Variants in MGAT5 observed in about 807,000 individuals in gnomAD.
MGAT5 encodes alpha-1,6-mannosylglycoprotein 6-beta-N-acetylglucosaminyltransferase.
MGAT5 carries 30 observed loss-of-function variants against 94.3 expected under a neutral mutation model. The ratio of observed to expected loss-of-function variants is 0.32; its 90% CI spans 0.24 to 0.43. The LOEUF (loss-of-function observed/expected upper bound fraction) is 0.43. MGAT5 is among the 20% of genes least tolerant of loss of function. MGAT5 has a pLI of 1.00. For synonymous variants in MGAT5, 310 were observed against 322.9 expected, an observed-to-expected ratio of 0.96 and a Z score of 0.43; for missense variants, 691 against 905.5, an observed-to-expected ratio of 0.76 and a Z score of 3.04.
chr2:134,130,267 G>A (rs1317525835), intron 1 of MGAT5, among the ~76,000 whole-genome samples: 5 of 82,444 alleles, frequency 6.1e-5, no homozygotes, highest in African/African-American at 1.5e-4. Context: ...GCCCCACACC[G>A]CCCCACACCC....
intron 14 of MGAT5, among the ~76,000 whole-genome samples, chr2:134,428,682 GA>G (rs1684722522): frequency 6.6e-6 from 1 of 152,186 alleles, no homozygotes; most frequent in African/African-American, 2.4e-5. Context: ...AGAGAGATGG[GA>G]TGATTACTGT....
intron 6 of MGAT5, among the ~76,000 whole-genome samples, chr2:134,338,934 G>A (rs1357961027): frequency 6.6e-6 from 1 of 151,978 alleles, no homozygotes; most frequent in Non-Finnish European, 1.5e-5. Flanking sequence ...AAAACCTCTC[G>A]AATACCCCTG....
intron 2 of MGAT5, among the ~76,000 whole-genome samples, chr2:134,316,301 T>C (rs1163536987): frequency 6.6e-6 from 1 of 152,202 alleles, no homozygotes; most frequent in Admixed American, 6.5e-5. Flanking sequence ...CTGTCTGTCC[T>C]GAGTACCTCA....
Position 134,398,545 on chromosome 2 carries a change from A to T in MGAT5, c.1381-4443A>T, listed in dbSNP as rs1425532530. Among the ~76,000 whole-genome samples, 4 of 152,144 alleles carry T rather than the reference A, an allele frequency of 2.6e-5. No homozygotes were observed. In the East Asian group the frequency reaches 7.7e-4, roughly 29 times the overall value. The stretch of plus-strand genomic sequence containing the variant: ...GGGAGCAGGGGTGTTACTGGGGAGG[A>T]TACTGCTATTCACCAAAGAACATTC... On this transcript the variant is annotated intron_variant, in intron 10 of 15. Transcript: ENST00000281923.
At chr2:134,303,262 A>G (rs1686138887) in intron 2 of MGAT5, among the ~76,000 whole-genome samples, 1 of 151,956 alleles carries the variant, frequency 6.6e-6, no homozygotes, top group African/African-American at 2.4e-5. Flanking sequence ...TAGTTCTCCA[A>G]CAGTTGCGTC....
chr2:134,313,007 T>C (rs1686773962), intron 2 of MGAT5, among the ~76,000 whole-genome samples: 2 of 150,840 alleles, frequency 1.3e-5, no homozygotes, highest in Admixed American at 6.6e-5. Context: ...TTTTCCTTCC[T>C]TGCTCTGAGG....
At chr2:134,217,171 C>G (rs1204946574) in intron 1 of MGAT5, among the ~76,000 whole-genome samples, 2 of 151,418 alleles carry the variant, frequency 1.3e-5, no homozygotes, top group East Asian at 3.9e-4. Context: ...TCATAACTTA[C>G]GCTATTGCTG....
chr2:134,149,625 T>C (rs545763621), intron 1 of MGAT5, among the ~76,000 whole-genome samples: 32 of 152,376 alleles, frequency 2.1e-4, no homozygotes, highest in African/African-American at 7.7e-4. Context: ...CACATGCTTA[T>C]AGACCCACAT....
intron 2 of MGAT5, among the ~76,000 whole-genome samples, chr2:134,290,916 CTCAG>C (rs1412565661): frequency 6.6e-6 from 1 of 152,172 alleles, no homozygotes; most frequent in African/African-American, 2.4e-5. Flanking sequence ...AATTATGTGA[CTCAG>C]TAAGTGCTTA....
intron 6 of MGAT5, among the ~76,000 whole-genome samples, chr2:134,338,656 A>C (rs1288040248): frequency 1.1e-5 from 1 of 89,128 alleles, no homozygotes; most frequent in Non-Finnish European, 2.9e-5. Context: ...TCTGCCTGTA[A>C]GACTTTTCCT....
At chr2:134,312,457 T>TC (rs1037422924) in intron 2 of MGAT5, among the ~76,000 whole-genome samples, 2 of 152,174 alleles carry the variant, frequency 1.3e-5, no homozygotes, top group Non-Finnish European at 2.9e-5. Flanking sequence ...GGTCAGTGAC[T>TC]CCAAGTAAGG....
At chr2:134,316,091 A>G (rs1686981506) in intron 2 of MGAT5, among the ~76,000 whole-genome samples, 1 of 152,210 alleles carries the variant, frequency 6.6e-6, no homozygotes, top group Admixed American at 6.5e-5. Context: ...GATATTTTCC[A>G]GACATTTCTG....
chr2:134,387,248 T>C (rs527548298), intron 10 of MGAT5, among the ~76,000 whole-genome samples: 28 of 138,398 alleles, frequency 2.0e-4, no homozygotes, highest in African/African-American at 7.0e-4. Context: ...GCACCAAGAG[T>C]GAACTCCATC....
chr2:134,252,490 A>G (rs1239361665), upstream of MGAT5, among the ~76,000 whole-genome samples: 1 of 152,180 alleles, frequency 6.6e-6, no homozygotes, highest in Admixed American at 6.5e-5. Flanking sequence ...GCTCTGAAAC[A>G]TGAGTGTGCA....
intron 14 of MGAT5, among the ~76,000 whole-genome samples, chr2:134,441,250 C>A (rs1685471239): frequency 6.6e-6 from 1 of 152,036 alleles, no homozygotes; most frequent in South Asian, 2.1e-4. Flanking sequence ...AGCGTCAGAA[C>A]CTTGCCATTG....
intron 1 of MGAT5, among the ~76,000 whole-genome samples, chr2:134,191,252 G>A: frequency 6.6e-6 from 1 of 152,190 alleles, no homozygotes; most frequent in East Asian, 1.9e-4. Context: ...GAGAGCATGG[G>A]GTATTGTCAT....
chr2:134,187,253 G>T (rs1689088919), intron 1 of MGAT5, among the ~76,000 whole-genome samples: 1 of 152,172 alleles, frequency 6.6e-6, no homozygotes, highest in African/African-American at 2.4e-5. Flanking sequence ...GATTGGATTT[G>T]TTTTTACAAG....
At chr2:134,308,048 C>T (rs1573757866) in intron 2 of MGAT5, among the ~76,000 whole-genome samples, 1 of 152,152 alleles carries the variant, frequency 6.6e-6, no homozygotes, top group African/African-American at 2.4e-5. Flanking sequence ...CTTAATCTGC[C>T]TGGGCCTCAG....
At chr2:134,342,857 C>T (rs938915576) in intron 7 of MGAT5, among the ~76,000 whole-genome samples, 1 of 152,020 alleles carries the variant, frequency 6.6e-6, no homozygotes, top group East Asian at 1.9e-4. Context: ...GGTCAAAGAT[C>T]TTGCTGCCAA....
Sources: allele counts gnomAD v4.1 joint callset (sites outside exome capture counted in the v4.1 genomes callset), GRCh38; gene constraint gnomAD v4.1.1; transcripts MANE v1.5; gene names NCBI Gene and HGNC (gene_info 2026-07-23, HGNC 2026-07-21).